ABCA13: variants seen among roughly 807,000 people sequenced by gnomAD.
The protein encoded by ABCA13 is ATP binding cassette subfamily A member 13.
ABCA13 carries 476 observed loss-of-function variants against 478.7 expected under a neutral mutation model. That is an observed-to-expected ratio of 0.99 (90% CI 0.92 to 1.07). The LOEUF is 1.07. ABCA13 is among the 50% of genes least tolerant of loss of function. The pLI, the probability that ABCA13 is intolerant of heterozygous loss-of-function variation, is 0.00. For missense variants in ABCA13, 6,060 were observed against 5,910.6 expected (o/e 1.03, Z -0.83); for synonymous variants, 2,252 against 2,158.9 (o/e 1.04, Z -1.20).
rs770142611 is a variant in ABCA13, at chr7:48,279,959, C to T, written c.8726+39C>T. 3.4e-6 allele frequency: 5 copies of T among 1,485,116 alleles called. 1 individual carries two copies. In the South Asian group the frequency reaches 4.5e-5, roughly 13 times the overall value. The allele number at this position is 1,485,116 out of a possible 1,614,324, so 92.0% of individuals were successfully genotyped here. A position where few individuals can be genotyped will look rare whatever the true frequency, so the allele number is the denominator to read the frequency against. On this transcript the variant is annotated intron_variant, in intron 18 of 61. Coordinates refer to ENST00000435803, the MANE Select transcript of ABCA13 (RefSeq NM_152701.5). ...TGAATTCACTTTGTTTTTTTCTCTA[C>T]CGCAGTAGCTATAAAATAGAACCAT...
intron 27 of ABCA13, among the ~76,000 whole-genome samples, chr7:48,328,343 G>A (rs958078063): frequency 6.6e-6 from 1 of 152,176 alleles, no homozygotes; most frequent in Non-Finnish European, 1.5e-5. Flanking sequence ...ATCAGTTATT[G>A]GAAAGCAAGT....
chr7:48,203,781 G>A (rs78614041), intron 3 of ABCA13, among the ~76,000 whole-genome samples: 1,650 of 152,256 alleles, frequency 0.011, 7 homozygotes, highest in Non-Finnish European at 0.017. Context: ...GACAACCTTC[G>A]GGAGGCGGAT....
At chr7:48,324,507 T>C (rs975900192) in intron 27 of ABCA13, among the ~76,000 whole-genome samples, 1 of 152,222 alleles carries the variant, frequency 6.6e-6, no homozygotes, top group Non-Finnish European at 1.5e-5. Flanking sequence ...TTTGGAATGA[T>C]CTTTTACCAC....
rs373460227 is a variant in ABCA13 at position 48,645,606 on chromosome 7, G to T, written c.*94G>T. 1.0e-6 allele frequency: 1 copy of T among 995,250 alleles called. No homozygotes were observed. Among genetic ancestry groups the T allele is most frequent in the Middle Eastern group, 2.0e-4 (1 of 4,914 alleles). The allele number at this position is 995,250 out of a possible 1,614,324, so 61.7% of individuals were successfully genotyped here. ...AAGCACGCGCACAATCAAGGAGCTG[G>T]AACACACTCTCCAGGCCGTCAAATT... On this transcript the variant is annotated 3_prime_UTR_variant, in exon 62 of 62. Coordinates refer to ENST00000435803, the MANE Select transcript of ABCA13 (RefSeq NM_152701.5).
chr7:48,485,603 C>G (rs1829217191), intron 47 of ABCA13, among the ~76,000 whole-genome samples: 1 of 152,186 alleles, frequency 6.6e-6, no homozygotes, highest in Non-Finnish European at 1.5e-5. Context: ...AGGAACCGAT[C>G]AGGAGTTCCA....
chr7:48,186,055 T>A (rs1179615072), intron 1 of ABCA13, among the ~76,000 whole-genome samples: 1 of 152,026 alleles, frequency 6.6e-6, no homozygotes, highest in Non-Finnish European at 1.5e-5. Flanking sequence ...ACCTACCATA[T>A]CTTTTTCATC....
chr7:48,644,412 C>G (rs1454388527), intron 60 of ABCA13, among the ~76,000 whole-genome samples: 2 of 152,172 alleles, frequency 1.3e-5, no homozygotes, highest in Admixed American at 6.5e-5. Flanking sequence ...GGGGGCAGAA[C>G]AGCAATGCCA....
intron 44 of ABCA13, among the ~76,000 whole-genome samples, chr7:48,469,757 A>G (rs185026866): frequency 9.5e-4 from 144 of 152,222 alleles, no homozygotes; most frequent in African/African-American, 3.3e-3. Flanking sequence ...CGTCTCTACT[A>G]AAGATACAAA....
chr7:48,239,271 G>C lies in ABCA13; in HGVS notation c.928G>C (p.Val310Leu), dbSNP rs372915489. The C allele has an allele frequency of 1.2e-6, 2 of 1,613,794 alleles. No individual in the cohort carries two copies. Among genetic ancestry groups the C allele is most frequent in the Middle Eastern group, 3.3e-4 (2 of 6,084 alleles). ...CACAGACACTTCCTTGGAGAAGATG[G>C]TGTGTTCAGTCTTGTCTAGCACATC... Reference protein sequence around the residue: ...IPTDTSLEKMVCSVLSSTSED... With the variant: ...IPTDTSLEKMLCSVLSSTSED... Residue 310 changes from valine to leucine, a missense_variant, in exon 9 of 62, where the codon GTG becomes CTG. This residue lies in a region of ABCA13 where 4,423 missense variants were observed against 4,309.1 expected (regional missense o/e 1.03). Transcript: ENST00000435803.
intron 55 of ABCA13, among the ~76,000 whole-genome samples, chr7:48,565,269 CAAA>C (rs10559412): frequency 7.2e-4 from 74 of 103,218 alleles, no homozygotes; most frequent in African/African-American, 2.4e-3. Flanking sequence ...TGGGCAAGAA[CAAA>C]AAAAAAAAAT....
At chr7:48,525,243 G>A (rs1403811747) in intron 54 of ABCA13, among the ~76,000 whole-genome samples, 1 of 152,044 alleles carries the variant, frequency 6.6e-6, no homozygotes, top group Non-Finnish European at 1.5e-5. Context: ...AAAATGTTAA[G>A]AAAGGATTTT....
chr7:48,619,962 T>C (rs1419756158), intron 59 of ABCA13, among the ~76,000 whole-genome samples: 1 of 152,136 alleles, frequency 6.6e-6, no homozygotes, highest in Admixed American at 6.5e-5. Flanking sequence ...ATTTGTGCAA[T>C]AACTTAAGGG....
At chr7:48,618,941 A>G (rs1792867875) in intron 59 of ABCA13, among the ~76,000 whole-genome samples, 1 of 152,230 alleles carries the variant, frequency 6.6e-6, no homozygotes, top group Non-Finnish European at 1.5e-5. Flanking sequence ...CCACTTTTTC[A>G]AAGTATTAGA....
At chr7:48,639,803 G>A (rs1254792359) in intron 59 of ABCA13, among the ~76,000 whole-genome samples, 1 of 152,080 alleles carries the variant, frequency 6.6e-6, no homozygotes, top group Non-Finnish European at 1.5e-5. Context: ...AATTTTTAGA[G>A]GCAATGTGAC....
chr7:48,369,735 T>A (rs1812339380), intron 32 of ABCA13, among the ~76,000 whole-genome samples: 2 of 152,330 alleles, frequency 1.3e-5, no homozygotes, highest in East Asian at 1.9e-4. Context: ...TTCTTTATTC[T>A]GTTCGATTGG....
intron 49 of ABCA13, among the ~76,000 whole-genome samples, chr7:48,506,804 G>A (rs1483292323): frequency 6.6e-6 from 1 of 152,160 alleles, no homozygotes; most frequent in Non-Finnish European, 1.5e-5. Context: ...GGAGACATGG[G>A]TGGGGATAAG....
At chr7:48,496,139 A>G (rs900058421) in intron 48 of ABCA13, among the ~76,000 whole-genome samples, 1 of 151,934 alleles carries the variant, frequency 6.6e-6, no homozygotes, top group African/African-American at 2.4e-5. Context: ...TGACATTATC[A>G]TTTGTTTTAT....
chr7:48,429,101 A>G (rs1821801986), intron 42 of ABCA13, among the ~76,000 whole-genome samples: 1 of 152,164 alleles, frequency 6.6e-6, no homozygotes, highest in South Asian at 2.1e-4. Flanking sequence ...AGGTTCATCC[A>G]TGTTACAGCG....
intron 24 of ABCA13, among the ~76,000 whole-genome samples, chr7:48,311,632 G>A (rs1346247982): frequency 1.3e-5 from 2 of 152,220 alleles, no homozygotes; most frequent in African/African-American, 4.8e-5. Context: ...GGATAAGATA[G>A]TGGGTTGGAT....
Sources: allele counts gnomAD v4.1 joint callset (sites outside exome capture counted in the v4.1 genomes callset), GRCh38; gene constraint gnomAD v4.1.1; regional missense constraint gnomAD v4.1.1; transcripts MANE v1.5; gene names NCBI Gene and HGNC (gene_info 2026-07-23, HGNC 2026-07-21).